The following HK2 variants were observed in gnomAD, a reference collection of about 807,000 sequenced individuals.
HK2 encodes the protein hexokinase 2.
Under a neutral mutation model 92.9 loss-of-function variants are expected in HK2, and 42 were observed. The ratio of observed to expected loss-of-function variants is 0.45; its 90% confidence interval spans 0.35 to 0.58. The LOEUF (loss-of-function observed/expected upper bound fraction) is 0.58, where lower values mean the gene tolerates loss of function less well. HK2 is among the 20% of genes least tolerant of loss of function. The pLI is 0.00. For synonymous variants in HK2, 422 were observed against 468.0 expected (o/e 0.90, Z 1.27); for missense variants, 978 against 1,245.1 (o/e 0.79, Z 3.23).
At chr2:74,842,754 A>G (rs1008823851) in intron 1 of HK2, among the ~76,000 whole-genome samples, 1 of 152,156 alleles carries the variant, frequency 6.6e-6, no homozygotes. Context: ...CTTCCTCTAA[A>G]TTGCTTTTCT....
At chr2:74,857,871 C>T (rs1285138097) in intron 2 of HK2, among the ~76,000 whole-genome samples, 3 of 152,148 alleles carry the variant, frequency 2.0e-5, no homozygotes, top group African/African-American at 7.2e-5. Flanking sequence ...CGATTCCCCC[C>T]ATGTGGTCGC....
chr2:74,834,181 G>A lies in HK2; in HGVS notation c.-400G>A, dbSNP rs1219485011. The A allele has an allele frequency of 2.8e-6, 1 of 354,414 alleles. No homozygotes were observed. Among genetic ancestry groups the A allele is most frequent in the African/African-American group, 2.1e-5 (1 of 46,756 alleles). The allele number at this position is 354,414 out of a possible 1,614,324, so 22.0% of individuals were successfully genotyped here. A position where few individuals can be genotyped will look rare whatever the true frequency, so the allele number is the denominator to read the frequency against. On this transcript the variant is annotated 5_prime_UTR_variant, in exon 1 of 18. In the 5' UTR this introduces an upstream ATG that the reference lacks. Transcript: ENST00000290573. This position sits in a 1 kb window ranked among gnomAD's most constrained non-coding sequence, Gnocchi z 4.2. ...GTCCCGGGCTGCCGCTGGCAACATC[G>A]TGTCACCCAGCTAAGAAAATCCGCG...
intron 13 of HK2, 81 bp from the exon 14 acceptor site, chr2:74,886,213 C>T (rs954329357): frequency 1.0e-5 from 10 of 966,168 alleles, no homozygotes. Context: ...TTTTATATAC[C>T]TGTAAATCTC....
intron 12 of HK2, 42 bp downstream of exon 12, chr2:74,882,281 G>T (rs369402642): frequency 1.1e-4 from 172 of 1,612,696 alleles, no homozygotes; most frequent in Non-Finnish European, 1.3e-4. Context: ...GGGCTTTATT[G>T]ACTCTAAACA....
chr2:74,866,852 G>A (rs146937266), intron 2 of HK2, among the ~76,000 whole-genome samples: 2 of 152,112 alleles, frequency 1.3e-5, no homozygotes, highest in African/African-American at 4.8e-5. Context: ...TCAATGTGTT[G>A]GTCCTCATTC....
chr2:74,837,009 G>A (rs1369248885), intron 1 of HK2, among the ~76,000 whole-genome samples: 2 of 152,168 alleles, frequency 1.3e-5, no homozygotes, highest in Non-Finnish European at 2.9e-5. Context: ...GGGCATTAGA[G>A]ATGAGAATCA....
In HK2 at chr2:74,867,633, C is replaced by T; in HGVS notation, c.227-3C>T. On this transcript the variant is annotated splice_region_variant and splice_polypyrimidine_tract_variant and intron_variant, in intron 2 of 17. Transcript: ENST00000290573. ...TTAATAGTGGCCCTTCCTTTCTCTG[C>T]AGAACACGGAGAGTTCCTGGCTCTG... 1.2e-6 allele frequency: 2 copies of T among 1,612,800 alleles called. No individual in the cohort carries two copies. The highest frequency in any genetic ancestry group is 1.7e-6 in the Non-Finnish European group (2 of 1,179,924).
chr2:74,857,282 A>G (rs1688717206), intron 2 of HK2, among the ~76,000 whole-genome samples: 1 of 152,192 alleles, frequency 6.6e-6, no homozygotes, highest in Admixed American at 6.5e-5. Context: ...CATCTACTAG[A>G]ACTATTGTGC....
At chr2:74,882,057 C>T in intron 11 of HK2, 63 bp from the exon 12 acceptor site, 1 of 1,530,604 alleles carries the variant, frequency 6.5e-7, no homozygotes, top group East Asian at 2.3e-5. Context: ...GTGCGCAGGC[C>T]CTACTGGGGG....
intron 1 of HK2, among the ~76,000 whole-genome samples, chr2:74,852,963 A>G (rs1688604473): frequency 6.6e-6 from 1 of 152,238 alleles, no homozygotes; most frequent in African/African-American, 2.4e-5. Context: ...CCTAATAAAT[A>G]TTTAGTTCCA....
Position 74,834,488 on chromosome 2 carries a change from G to C in HK2, c.-93G>C. The C allele has an allele frequency of 7.7e-7, 1 of 1,300,612 alleles. No individual in the cohort carries two copies. Among genetic ancestry groups the C allele is most frequent in the South Asian group, 1.2e-5 (1 of 83,588 alleles). The allele number at this position is 1,300,612 out of a possible 1,614,324, so 80.6% of individuals were successfully genotyped here. On this transcript the variant is annotated 5_prime_UTR_variant, in exon 1 of 18. Coordinates refer to ENST00000290573, the MANE Select transcript of HK2 (RefSeq NM_000189.5). This position sits in a 1 kb window ranked among gnomAD's most constrained non-coding sequence, Gnocchi z 4.2. ...TCCCAGCTCCCGGCCCGGCAGCCGA[G>C]CCCCAGCACAAAGCAGTCGGACCGC... is the stretch of plus-strand genomic sequence containing the variant.
rs1023169293 is a variant in HK2, at chr2:74,891,637, C to G, written c.*696C>G. The G allele has an allele frequency of 6.6e-6, 1 of 152,196 alleles. No homozygotes were observed. Among genetic ancestry groups the G allele is most frequent in the Admixed American group, 6.5e-5 (1 of 15,276 alleles). 9.4% of individuals were successfully genotyped at this position (152,196 alleles called of 1,614,324 possible). A position where few individuals can be genotyped will look rare whatever the true frequency, so the allele number is the denominator to read the frequency against. ...CATCTCAGCGGGGCGCACATGTTAT[C>G]CACAAGCAATGGACCTTTGGGGAAG... On this transcript the variant is annotated 3_prime_UTR_variant, in exon 18 of 18. Transcript: ENST00000290573.
chr2:74,874,020 A>T (rs1171466481), intron 6 of HK2, 77 bp downstream of exon 6: 3 of 1,155,342 alleles, frequency 2.6e-6, no homozygotes, highest in Non-Finnish European at 3.9e-6. Flanking sequence ...GAAGGGGCCC[A>T]TGGGCTGGGT....
At position 74,891,056 on chromosome 2, in the gene HK2, GACCC is replaced by G; in HGVS notation, c.*116_*119del. On this transcript the variant is annotated 3_prime_UTR_variant, in exon 18 of 18. Transcript: ENST00000290573. ...CCCTTGGCTTTTGCTTGGCAGAGAG[GACCC>G]CACTGGACTGGGTTTTGTCTCTGCA... 9.1e-6 allele frequency: 11 copies of G among 1,211,290 alleles called. No homozygotes were observed. Among genetic ancestry groups the G allele is most frequent in the Non-Finnish European group, 1.3e-5 (11 of 852,474 alleles). The allele number at this position is 1,211,290 out of a possible 1,614,324, so 75.0% of individuals were successfully genotyped here.
intron 1 of HK2, among the ~76,000 whole-genome samples, chr2:74,851,142 G>A (rs922755624): frequency 2.6e-5 from 4 of 152,246 alleles, no homozygotes; most frequent in East Asian, 3.8e-4. Flanking sequence ...CAGGACAGGC[G>A]AGGGTGGCTG....
intron 2 of HK2, among the ~76,000 whole-genome samples, chr2:74,865,489 T>C (rs924833298): frequency 6.6e-6 from 1 of 152,066 alleles, no homozygotes; most frequent in African/African-American, 2.4e-5. Context: ...ATCTTTGATA[T>C]CCCTTTCATC....
At chr2:74,862,078 G>A (rs1448555402) in intron 2 of HK2, among the ~76,000 whole-genome samples, 2 of 152,234 alleles carry the variant, frequency 1.3e-5, no homozygotes, top group Non-Finnish European at 2.9e-5. Flanking sequence ...TGTAGACATC[G>A]TTAGTGCCAG....
intron 1 of HK2, among the ~76,000 whole-genome samples, chr2:74,850,163 A>G (rs766794596): frequency 3.3e-5 from 5 of 152,200 alleles, no homozygotes; most frequent in Non-Finnish European, 7.3e-5. Context: ...AACCTCCCAG[A>G]GGAGAGGGGA....
At chr2:74,846,346 A>T (rs1051858954) in intron 1 of HK2, among the ~76,000 whole-genome samples, 1 of 152,122 alleles carries the variant, frequency 6.6e-6, no homozygotes, top group Non-Finnish European at 1.5e-5. Context: ...TTTGAATTGA[A>T]GTATAATGCA....
Sources: allele counts gnomAD v4.1 joint callset (sites outside exome capture counted in the v4.1 genomes callset), GRCh38; gene constraint gnomAD v4.1.1; non-coding constraint Gnocchi (gnomAD v3.1); transcripts MANE v1.5; gene names NCBI Gene and HGNC (gene_info 2026-07-23, HGNC 2026-07-21).